Variants in DGKI observed in about 807,000 individuals in gnomAD.
DGKI encodes the protein DAG kinase iota.
A neutral mutation model predicts 147.5 loss-of-function variants in DGKI; 55 were observed. The observed-to-expected ratio is 0.37, with a 90% confidence interval of 0.30 to 0.47. The LOEUF (loss-of-function observed/expected upper bound fraction) is 0.47. Among genes scored for constraint, DGKI ranks in the 20% least tolerant of loss-of-function variants. The pLI is 1.00. For synonymous variants in DGKI, 469 were observed against 477.1 expected (o/e 0.98, Z 0.22); for missense variants, 1,007 against 1,323.8 (o/e 0.76, Z 3.71).
chr7:137,468,823 G>C (rs1814763508), intron 24 of DGKI, among the ~76,000 whole-genome samples: 1 of 152,044 alleles, frequency 6.6e-6, no homozygotes, highest in Non-Finnish European at 1.5e-5. Context: ...CCTCTCAGAT[G>C]CTCACCCAGA....
intron 28 of DGKI, among the ~76,000 whole-genome samples, chr7:137,433,073 G>T (rs1344542477): frequency 6.6e-6 from 1 of 152,196 alleles, no homozygotes; most frequent in South Asian, 2.1e-4. Context: ...ATTGAGGATT[G>T]ACATAACAAG....
At chr7:137,568,491 G>T (rs1435077503) in intron 19 of DGKI, among the ~76,000 whole-genome samples, 2 of 152,090 alleles carry the variant, frequency 1.3e-5, no homozygotes, top group Non-Finnish European at 2.9e-5. Context: ...GAGCTATTTG[G>T]ACTGCATCAG....
At chr7:137,435,703 G>A (rs927264819) in intron 28 of DGKI, among the ~76,000 whole-genome samples, 19 of 152,160 alleles carry the variant, frequency 1.2e-4, no homozygotes, top group African/African-American at 4.3e-4. Context: ...GCAAAGTGAT[G>A]TACTGTGACG....
chr7:137,452,443 G>A (rs369907938), intron 27 of DGKI, among the ~76,000 whole-genome samples: 7 of 152,236 alleles, frequency 4.6e-5, no homozygotes, highest in South Asian at 2.1e-4. Flanking sequence ...GCTAGACACC[G>A]TGCTCCTTCT....
chr7:137,804,278 G>A (rs1378239758), intron 1 of DGKI, among the ~76,000 whole-genome samples: 1 of 152,060 alleles, frequency 6.6e-6, no homozygotes, highest in African/African-American at 2.4e-5. Context: ...TTCTCTTCAG[G>A]AAAATGAAGA....
At chr7:137,645,918 T>C (rs1046714187) in intron 5 of DGKI, among the ~76,000 whole-genome samples, 5 of 152,220 alleles carry the variant, frequency 3.3e-5, no homozygotes, top group Non-Finnish European at 5.9e-5. Context: ...AGATCTTTCA[T>C]ATCTGTAGAT....
At chr7:137,403,214 C>T (rs565799776) in intron 30 of DGKI, among the ~76,000 whole-genome samples, 4 of 152,082 alleles carry the variant, frequency 2.6e-5, no homozygotes, top group Non-Finnish European at 2.9e-5. Context: ...TCTTCCTCCC[C>T]GAGTCTCTTT....
chr7:137,838,063 C>T (rs796330791), intron 1 of DGKI, among the ~76,000 whole-genome samples: 47 of 134,554 alleles, frequency 3.5e-4, no homozygotes, highest in African/African-American at 1.4e-3. Flanking sequence ...AGTGCAGTGG[C>T]TTGATCTCAG....
rs367596045 is a variant in DGKI, at chr7:137,469,499, C to G, written c.2443+51G>C. ...GCCCACCCTATCAATTGATGCCTTG[C>G]TCTTCAACTTCCCCAACTCCCACGA... On this transcript the variant is annotated intron_variant, in intron 24 of 32. Coordinates refer to ENST00000614521, the MANE Select transcript of DGKI (RefSeq NM_001321708.2). 23 of 1,586,426 alleles carry G rather than the reference C, an allele frequency of 1.4e-5. No individual in the cohort carries two copies. The African/African-American group carries it at 2.3e-4, about 16-fold the overall frequency.
intron 3 of DGKI, among the ~76,000 whole-genome samples, chr7:137,662,502 C>CA (rs1822477560): frequency 6.7e-6 from 1 of 149,964 alleles, no homozygotes; most frequent in Admixed American, 6.7e-5. Context: ...CTTGGCCTCC[C>CA]AAAGTGCTGG....
chr7:137,597,885 G>C lies in DGKI; in HGVS notation c.1273C>G (p.Pro425Ala), dbSNP rs1205476224. 6.2e-7 allele frequency: 1 copy of C among 1,613,836 alleles called. No individual in the cohort carries two copies. Among genetic ancestry groups the C allele is most frequent in the South Asian group, 1.1e-5 (1 of 90,984 alleles). ...CCACAGGCCAGAATTCGCAGATTTG[G>C]TACTTTCCTATACAATTCAAGCCTG... Reference protein sequence around the residue: ...KDALELYRKVPNLRILACGGD... With the variant: ...KDALELYRKVANLRILACGGD... The change falls in exon 12 of 33, where the codon CCA becomes GCA. Residue 425 changes from proline (P) to alanine (A), a missense_variant. This residue lies in a region of DGKI where 224 missense variants were observed against 382.7 expected (regional missense o/e 0.59). Coordinates refer to ENST00000614521, the MANE Select transcript of DGKI (RefSeq NM_001321708.2).
intron 28 of DGKI, among the ~76,000 whole-genome samples, chr7:137,417,805 C>G (rs1346877584): frequency 6.6e-6 from 1 of 152,182 alleles, no homozygotes; most frequent in Non-Finnish European, 1.5e-5. Context: ...ATCTTTTCCA[C>G]CATGTGAGGA....
chr7:137,494,121 A>G (rs1444149102), intron 21 of DGKI, among the ~76,000 whole-genome samples: 1 of 150,900 alleles, frequency 6.6e-6, no homozygotes. Flanking sequence ...AATATGAAGC[A>G]AAAAAAAATG....
chr7:137,516,598 G>GT (rs1013793219), intron 21 of DGKI, among the ~76,000 whole-genome samples: 40 of 150,456 alleles, frequency 2.7e-4, no homozygotes, highest in Admixed American at 7.3e-4. Context: ...GAATTCTGTT[G>GT]TTTTTTTTTC....
intron 19 of DGKI, among the ~76,000 whole-genome samples, chr7:137,554,104 G>A (rs556752178): frequency 8.5e-5 from 13 of 152,228 alleles, no homozygotes; most frequent in Middle Eastern, 3.4e-3. Flanking sequence ...CGCCCCTACC[G>A]GCATTTCACA....
At chr7:137,423,838 A>C (rs1366605438) in intron 28 of DGKI, among the ~76,000 whole-genome samples, 1 of 152,224 alleles carries the variant, frequency 6.6e-6, no homozygotes, top group Non-Finnish European at 1.5e-5. Context: ...CTCACTTATT[A>C]TTGTAAATAT....
chr7:137,729,929 G>A (rs1794823931), intron 1 of DGKI, among the ~76,000 whole-genome samples: 1 of 152,090 alleles, frequency 6.6e-6, no homozygotes, highest in African/African-American at 2.4e-5. Context: ...CAAACGTAGT[G>A]GTTTCTACCA....
chr7:137,639,104 A>G (rs959666670), intron 6 of DGKI, among the ~76,000 whole-genome samples: 1 of 152,210 alleles, frequency 6.6e-6, no homozygotes, highest in East Asian at 1.9e-4. Flanking sequence ...CTACACCTAA[A>G]TTACTATATT....
At chr7:137,434,453 C>T (rs540985850) in intron 28 of DGKI, among the ~76,000 whole-genome samples, 8 of 152,038 alleles carry the variant, frequency 5.3e-5, no homozygotes, top group South Asian at 2.1e-4. Flanking sequence ...TGGTGGTGCA[C>T]GCCTGTAATC....
Sources: allele counts gnomAD v4.1 joint callset (sites outside exome capture counted in the v4.1 genomes callset), GRCh38; gene constraint gnomAD v4.1.1; regional missense constraint gnomAD v4.1.1; transcripts MANE v1.5; gene names NCBI Gene and HGNC (gene_info 2026-07-23, HGNC 2026-07-21).